The following ESPN variants were observed in gnomAD, a reference collection of about 807,000 sequenced individuals.
ESPN encodes the protein autosomal recessive deafness type 36 protein.
ESPN carries 68 observed loss-of-function variants against 77.7 expected under a neutral mutation model. The observed-to-expected ratio is 0.87, with a 90% confidence interval of 0.72 to 1.07. The LOEUF (loss-of-function observed/expected upper bound fraction) is 1.07, where lower values mean the gene tolerates loss of function less well. Among genes scored for constraint, ESPN ranks in the 50% least tolerant of loss-of-function variants. The pLI is 0.00. For missense variants in ESPN, 1,060 were observed against 1,239.0 expected (o/e 0.86, Z 2.17); for synonymous variants, 449 against 567.1 (o/e 0.79, Z 2.96).
chr1:6,443,753 ACTT>A (rs1643728968), intron 5 of ESPN, among the ~76,000 whole-genome samples: 1 of 152,104 alleles, frequency 6.6e-6, no homozygotes, highest in Admixed American at 6.5e-5. Flanking sequence ...GGCCTGTGAC[ACTT>A]CTTAGGCAGG....
At chr1:6,441,122 G>A in intron 5 of ESPN, 57 bp downstream of exon 5, 4 of 1,579,094 alleles carry the variant, frequency 2.5e-6, no homozygotes, top group South Asian at 1.2e-5. Context: ...CCACCCCAGT[G>A]GTGGGTGTCG....
intron 10 of ESPN, chr1:6,454,891 C>A: frequency 5.1e-6 from 2 of 388,762 alleles, no homozygotes; most frequent in South Asian, 1.3e-4. Context: ...CTGGGTCGCT[C>A]GCACTCGCTC....
intron 5 of ESPN, among the ~76,000 whole-genome samples, chr1:6,443,787 G>C (rs577622118): frequency 1.5e-4 from 23 of 152,378 alleles, no homozygotes; most frequent in African/African-American, 5.3e-4. Context: ...GGGGCAAGGA[G>C]GAGCAGGCCT....
At chr1:6,455,928 G>T in intron 10 of ESPN, 1 of 398,892 alleles carries the variant, frequency 2.5e-6, no homozygotes, top group Non-Finnish European at 4.4e-6. Context: ...GAAAGAACAG[G>T]AGCGGACCGA....
At chr1:6,461,022 G>A (rs1644154911), downstream of ESPN, 2 of 409,210 alleles carry the variant, frequency 4.9e-6, no homozygotes. The surrounding 1 kb of genome is among the most constrained non-coding windows in gnomAD (Gnocchi z 6.3). Context: ...AGGCTTGGGA[G>A]CTAAGGCCAC....
chr1:6,445,586 A>T, intron 6 of ESPN, 78 bp from the exon 7 acceptor site: 1 of 1,518,134 alleles, frequency 6.6e-7, no homozygotes, highest in Non-Finnish European at 9.0e-7. Flanking sequence ...AGTTGTTTCC[A>T]GGTGGTGGAG....
In ESPN at chr1:6,428,180, G is replaced by A. The variant is rs55924086; in HGVS notation, c.295-46G>A. The A allele has an allele frequency of 2.5e-3, 4,012 of 1,596,838 alleles. 11 individuals carry two copies. The highest frequency in any genetic ancestry group is 9.0e-3 in the Middle Eastern group (53 of 5,914). ...TCTGGGAGTGGCCCAAGCCAGGGGC[G>A]GGGCAGCAACAGGCTTTAGGACTTG... On this transcript the variant is annotated intron_variant, in intron 1 of 12. Coordinates refer to ENST00000645284, the MANE Select transcript of ESPN (RefSeq NM_031475.3). The surrounding 1 kb of genome is among the most constrained non-coding windows in gnomAD (Gnocchi z 5.4).
chr1:6,451,579 G>A lies in ESPN; in HGVS notation c.1916-24G>A. On this transcript the variant is annotated intron_variant, in intron 8 of 12. Transcript: ENST00000645284. This position sits in a 1 kb window ranked among gnomAD's most constrained non-coding sequence, Gnocchi z 4.3. The stretch of plus-strand genomic sequence containing the variant: ...GGGATGCAGCCCCACCCTGGCCAGT[G>A]CCTCATCTCCTGCCTCCGCATAGGC... 1 of 1,609,332 alleles carries A rather than the reference G, an allele frequency of 6.2e-7. No homozygotes were observed. Among genetic ancestry groups the A allele is most frequent in the Non-Finnish European group, 8.5e-7 (1 of 1,178,152 alleles).
Position 6,437,374 on chromosome 1 carries a change from C to T in ESPN, c.489-2880C>T, listed in dbSNP as rs551432858. ...CCGCCGTGGGCCTCTACAGATAGAACCCAGTGGGCCCCCACCAGCCCCTGA... is the reference window on the plus strand; with the variant it reads ...CCGCCGTGGGCCTCTACAGATAGAATCCAGTGGGCCCCCACCAGCCCCTGA... On this transcript the variant is annotated intron_variant, in intron 2 of 12. Coordinates refer to ENST00000645284, the MANE Select transcript of ESPN (RefSeq NM_031475.3). This position sits in a 1 kb window ranked among gnomAD's most constrained non-coding sequence, Gnocchi z 4.5. 1 of 152,378 alleles carries T rather than the reference C, an allele frequency of 6.6e-6. No homozygotes were observed. Among genetic ancestry groups the T allele is most frequent in the East Asian group, 1.9e-4 (1 of 5,188 alleles). 9.4% of individuals were successfully genotyped at this position (152,378 alleles called of 1,614,324 possible).
rs773381410 is a variant in ESPN at position 6,451,315 on chromosome 1, AT to A, written c.1916-287del. 27 of 511,828 alleles carry A rather than the reference AT, an allele frequency of 5.3e-5. No homozygotes were observed. Among genetic ancestry groups the A allele is most frequent in the Middle Eastern group, 5.4e-4 (1 of 1,838 alleles). 31.7% of individuals were successfully genotyped at this position (511,828 alleles called of 1,614,324 possible). A position where few individuals can be genotyped will look rare whatever the true frequency, so the allele number is the denominator to read the frequency against. On this transcript the variant is annotated intron_variant, in intron 8 of 12. Coordinates refer to ENST00000645284, the MANE Select transcript of ESPN (RefSeq NM_031475.3). The surrounding 1 kb of genome is among the most constrained non-coding windows in gnomAD (Gnocchi z 4.3). ...GCAGTCAGTGGCTGGGCGGGGACATATGCCCAAGAGCCACCATGAACTCCCA... is the reference window on the plus strand; with the variant it reads ...GCAGTCAGTGGCTGGGCGGGGACATAGCCCAAGAGCCACCATGAACTCCCA...
chr1:6,460,621 C>A lies in ESPN; in HGVS notation c.*475C>A, dbSNP rs1189784325. The A allele has an allele frequency of 1.8e-5, 3 of 166,770 alleles. No individual in the cohort carries two copies. Among genetic ancestry groups the A allele is most frequent in the Non-Finnish European group, 3.9e-5 (3 of 76,514 alleles). The allele number at this position is 166,770 out of a possible 1,614,324, so 10.3% of individuals were successfully genotyped here. On this transcript the variant is annotated 3_prime_UTR_variant, in exon 13 of 13. Coordinates refer to ENST00000645284, the MANE Select transcript of ESPN (RefSeq NM_031475.3). ...CCTTCCTCTCTGACCCAGATCTGCG[C>A]GCGGCCTAGCCCGGGCCTCATTTCT...
In ESPN at chr1:6,428,979, G is replaced by C. The variant is rs1643141225; in HGVS notation, c.488+560G>C. On this transcript the variant is annotated intron_variant, in intron 2 of 12. Transcript: ENST00000645284. This position sits in a 1 kb window ranked among gnomAD's most constrained non-coding sequence, Gnocchi z 5.4. ...TCTTGTTATCTCCTGTGGCCCCTCAGCCCGTTCCTACTATCAAGGGAAGCA... is the reference window on the plus strand; with the variant it reads ...TCTTGTTATCTCCTGTGGCCCCTCACCCCGTTCCTACTATCAAGGGAAGCA... Among the ~76,000 whole-genome samples, 1 of 152,144 alleles carries C rather than the reference G, an allele frequency of 6.6e-6. No homozygotes were observed. Among genetic ancestry groups the C allele is most frequent in the Non-Finnish European group, 1.5e-5 (1 of 68,024 alleles).
rs1040753487 is a variant in ESPN, at chr1:6,424,783, G to C, written c.-173G>C. 8 of 664,980 alleles carry C rather than the reference G, an allele frequency of 1.2e-5. No individual in the cohort carries two copies. Among genetic ancestry groups the C allele is most frequent in the East Asian group, 4.1e-5 (1 of 24,674 alleles). The allele number at this position is 664,980 out of a possible 1,614,324, so 41.2% of individuals were successfully genotyped here. A position where few individuals can be genotyped will look rare whatever the true frequency, so the allele number is the denominator to read the frequency against. On this transcript the variant is annotated 5_prime_UTR_variant, in exon 1 of 13. Coordinates refer to ENST00000645284, the MANE Select transcript of ESPN (RefSeq NM_031475.3). ...TCCGCGGGCTCCGGCCCCAGAGCGC[G>C]GCGGAGCGGAGCGCCAGGCAGCGCG...
At chr1:6,431,314 G>A (rs1487511860) in intron 2 of ESPN, among the ~76,000 whole-genome samples, 6 of 152,178 alleles carry the variant, frequency 3.9e-5, no homozygotes, top group African/African-American at 1.2e-4. Context: ...GAATGGGATT[G>A]GAAAGTACCT....
chr1:6,461,327 G>A, downstream of ESPN: 2 of 1,368,896 alleles, frequency 1.5e-6, no homozygotes, highest in South Asian at 1.3e-5. The surrounding 1 kb of genome is among the most constrained non-coding windows in gnomAD (Gnocchi z 6.3). Flanking sequence ...ACGCAGGGCC[G>A]TGCCAGCGGC....
chr1:6,440,965 A>G lies in ESPN; in HGVS notation c.890A>G (p.Glu297Gly), dbSNP rs767906735. The change falls in exon 5 of 13, where the codon GAG becomes GGG. Residue 297 changes from glutamate to glycine, a missense_variant. Around this residue, in one of 3 missense-constraint regions of ESPN, gnomAD observed 556 missense variants for 633.6 expected, o/e 0.88. Coordinates refer to ENST00000645284, the MANE Select transcript of ESPN (RefSeq NM_031475.3). ...CAGATCCTGGTAGTGAACGGCGCGG[A>G]GCTGGACGTCCGCGACCGCGACGGG... ...CCQILVVNGAELDVRDRDGYT... is the reference protein window; with the variant it reads ...CCQILVVNGAGLDVRDRDGYT... 3 of 1,600,898 alleles carry G rather than the reference A, an allele frequency of 1.9e-6. No individual in the cohort carries two copies. Among genetic ancestry groups the G allele is most frequent in the Non-Finnish European group, 8.5e-7 (1 of 1,175,066 alleles).
At chr1:6,446,089 AAGGGGTC>A (rs1447988817) in intron 7 of ESPN, among the ~76,000 whole-genome samples, 154 bp downstream of exon 7, 1 of 152,006 alleles carries the variant, frequency 6.6e-6, no homozygotes, top group African/African-American at 2.4e-5. Context: ...CGAGTCCCAC[AAGGGGTC>A]AGGGCTGGAC....
At chr1:6,438,191 G>C (rs1452351376) in intron 2 of ESPN, among the ~76,000 whole-genome samples, 1 of 152,194 alleles carries the variant, frequency 6.6e-6, no homozygotes, top group Non-Finnish European at 1.5e-5. Context: ...GGGATAGATT[G>C]TGGCTCCACC....
chr1:6,448,981 C>T lies in ESPN; in HGVS notation c.1805C>T (p.Pro602Leu), dbSNP rs767449471. ...GAGCTGCCACCGCCGCCCCCACCGC[C>T]GCCGCCGCCCCTGCCGGAGGCCGCG... is the stretch of plus-strand genomic sequence containing the variant. ...SRELPPPPPP[P>L]PPPLPEAASS... The change falls in exon 8 of 13, where the codon CCG (proline) becomes CTG (leucine). Residue 602 changes from proline to leucine, a missense_variant. Pro to Leu is a moderately conservative substitution (Grantham distance 98). This residue lies in a region of ESPN where 374 missense variants were observed against 381.4 expected (regional missense o/e 0.98). Transcript: ENST00000645284. The T allele has an allele frequency of 8.4e-6, 12 of 1,429,834 alleles. No individual in the cohort carries two copies. The highest frequency in any genetic ancestry group is 7.1e-5 in the South Asian group (5 of 70,584). 88.6% of individuals were successfully genotyped at this position (1,429,834 alleles called of 1,614,324 possible).
Sources: gnomAD v4.1 joint callset for allele counts (sites outside exome capture counted in the v4.1 genomes callset) on GRCh38, gnomAD v4.1.1 for gene constraint, gnomAD v4.1.1 regional missense constraint, Gnocchi (gnomAD v3.1) non-coding constraint, MANE v1.5 for transcripts, NCBI Gene and HGNC (gene_info 2026-07-23, HGNC 2026-07-21) for gene names.